The following SMAD5 variants were observed in gnomAD, a reference collection of about 807,000 sequenced individuals.
SMAD5 encodes MAD, mothers against decapentaplegic homolog 5.
In SMAD5, 9 loss-of-function variants were observed where a neutral mutation model predicts 43.1. That is an observed-to-expected ratio of 0.21 (90% CI 0.13 to 0.36). SMAD5 has a LOEUF of 0.36. SMAD5 is among the 10% of genes least tolerant of loss of function. The pLI, the probability that SMAD5 is intolerant of heterozygous loss-of-function variation, is 1.00. For synonymous variants in SMAD5, 190 were observed against 192.4 expected (o/e 0.99, Z 0.10); for missense variants, 348 against 574.0 (o/e 0.61, Z 4.02).
Position 136,181,462 on chromosome 5 carries a change from T to C in SMAD5, c.*3982T>C, listed in dbSNP as rs1057898. ...TTTTAGAAGTGTTTGGTGATTTTTA[T>C]GGAGAGAGTTTTCCTAAGTGGTGGT... On this transcript the variant is annotated 3_prime_UTR_variant, in exon 8 of 8. Coordinates refer to ENST00000545279, the MANE Select transcript of SMAD5 (RefSeq NM_005903.7). 54,230 of 151,922 alleles carry C rather than the reference T, an allele frequency of 0.36. 10,563 individuals are homozygous for C. Among genetic ancestry groups the C allele is most frequent in the African/African-American group, 0.53 (21,831 of 41,422 alleles). 9.4% of individuals were successfully genotyped at this position (151,922 alleles called of 1,614,324 possible). A position where few individuals can be genotyped will look rare whatever the true frequency, so the allele number is the denominator to read the frequency against.
chr5:136,163,393 T>C lies in SMAD5; in HGVS notation c.775+2T>C. The C allele has an allele frequency of 6.3e-7, 1 of 1,596,582 alleles. No homozygotes were observed. The highest frequency in any genetic ancestry group is 8.5e-7 in the Non-Finnish European group (1 of 1,172,346). On this transcript the variant is annotated splice_donor_variant, in intron 5 of 7. Transcript: ENST00000545279. LOFTEE classifies it high-confidence loss of function. ...TTATGCCCAGTATATCCAGCAGGGGTAAGAGAAGTACTCACTTCATTTATT... is the reference window on the plus strand; with the variant it reads ...TTATGCCCAGTATATCCAGCAGGGGCAAGAGAAGTACTCACTTCATTTATT...
chr5:136,169,442 AG>A (rs1754140197), intron 5 of SMAD5, among the ~76,000 whole-genome samples: 2 of 152,190 alleles, frequency 1.3e-5, no homozygotes, highest in South Asian at 4.2e-4. Flanking sequence ...CAATCCAATT[AG>A]TTTGACACTC....
chr5:136,163,219 G>T, intron 4 of SMAD5, 53 bp from the exon 5 acceptor site: 1 of 1,492,454 alleles, frequency 6.7e-7, no homozygotes, highest in African/African-American at 1.4e-5. Context: ...AGCTTTTAGA[G>T]TAATAATTTT....
At chr5:136,142,328 G>GGT (rs1361997253) in intron 1 of SMAD5, among the ~76,000 whole-genome samples, 2 of 152,026 alleles carry the variant, frequency 1.3e-5, no homozygotes, top group Admixed American at 6.6e-5. Context: ...AGAGAGGTGA[G>GGT]GTGTGTGTGT....
At chr5:136,142,215 T>C (rs1317676102) in intron 1 of SMAD5, among the ~76,000 whole-genome samples, 1 of 152,122 alleles carries the variant, frequency 6.6e-6, no homozygotes, top group African/African-American at 2.4e-5. Context: ...GTGTGGTAAG[T>C]GCTACAAAGT....
chr5:136,172,212 C>T lies in SMAD5; in HGVS notation c.776-222C>T, dbSNP rs564320154. 9.9e-5 allele frequency among the ~76,000 whole-genome samples: 15 copies of T among 152,270 alleles called. No homozygotes were observed. In the South Asian group the frequency reaches 2.5e-3, roughly 25 times the overall value. Reference sequence around the variant, plus strand: ...AGCCTGAGCAAGCTACGACTATTGCCGATCCTGGTATTTCTATAACTTTTT... The same window carrying T: ...AGCCTGAGCAAGCTACGACTATTGCTGATCCTGGTATTTCTATAACTTTTT... On this transcript the variant is annotated intron_variant, in intron 5 of 7. Coordinates refer to ENST00000545279, the MANE Select transcript of SMAD5 (RefSeq NM_005903.7).
chr5:136,177,025 T>C (rs111349182), intron 7 of SMAD5, among the ~76,000 whole-genome samples: 44 of 152,312 alleles, frequency 2.9e-4, no homozygotes, highest in African/African-American at 9.9e-4. Context: ...TCAGAAATAT[T>C]TGTTTTAATT....
chr5:136,159,663 A>G (rs1030194039), intron 3 of SMAD5, among the ~76,000 whole-genome samples: 15 of 152,220 alleles, frequency 9.9e-5, no homozygotes, highest in African/African-American at 3.1e-4. Context: ...CTTCTCTCCA[A>G]TGGCAGCTGC....
At chr5:136,174,747 T>C (rs938472787) in intron 7 of SMAD5, 115 bp downstream of exon 7, 4 of 680,730 alleles carry the variant, frequency 5.9e-6, no homozygotes, top group Non-Finnish European at 1.0e-5. Flanking sequence ...TGGCCTGATT[T>C]AACAGGTTTT....
intron 1 of SMAD5, among the ~76,000 whole-genome samples, chr5:136,143,661 T>C (rs1179330637): frequency 6.6e-6 from 1 of 151,974 alleles, no homozygotes; most frequent in Admixed American, 6.6e-5. Flanking sequence ...AATGATAGAT[T>C]GTTATATTTC....
chr5:136,136,425 C>T (rs949243841), intron 1 of SMAD5, among the ~76,000 whole-genome samples: 9 of 152,158 alleles, frequency 5.9e-5, no homozygotes, highest in African/African-American at 9.7e-5. Context: ...TGTTTTTCCA[C>T]TTCTGAAGTT....
chr5:136,149,128 C>G (rs901879496), intron 2 of SMAD5, among the ~76,000 whole-genome samples: 2 of 151,662 alleles, frequency 1.3e-5, no homozygotes, highest in African/African-American at 4.8e-5. Context: ...ATCTTTCCCT[C>G]AGAATATATG....
intron 1 of SMAD5, among the ~76,000 whole-genome samples, chr5:136,145,895 C>T (rs892816231): frequency 6.6e-6 from 1 of 151,862 alleles, no homozygotes; most frequent in South Asian, 2.1e-4. Flanking sequence ...TTGTGAAAGA[C>T]ATAGAAGCTT....
At chr5:136,175,142 T>A (rs1754369871) in intron 7 of SMAD5, among the ~76,000 whole-genome samples, 1 of 152,204 alleles carries the variant, frequency 6.6e-6, no homozygotes, top group African/African-American at 2.4e-5. Flanking sequence ...TCGGATCTTA[T>A]GAGACTTTAT....
chr5:136,154,579 A>G (rs557973102), intron 3 of SMAD5, among the ~76,000 whole-genome samples: 2 of 152,270 alleles, frequency 1.3e-5, no homozygotes, highest in South Asian at 2.1e-4. Context: ...CAAGCATGCC[A>G]TGATACTACC....
intron 1 of SMAD5, among the ~76,000 whole-genome samples, chr5:136,140,211 CG>C (rs1260185771): frequency 2.0e-5 from 3 of 151,922 alleles, no homozygotes; most frequent in Non-Finnish European, 4.4e-5. Flanking sequence ...TTCGTAGAGA[CG>C]GGGTTTCACC....
intron 1 of SMAD5, among the ~76,000 whole-genome samples, chr5:136,137,270 A>AGCCCCCC (rs759471282): frequency 8.0e-6 from 1 of 125,216 alleles, no homozygotes; most frequent in Non-Finnish European, 1.7e-5. Context: ...ATTTTTTGGG[A>AGCCCCCC]CCCCCCCCCG....
chr5:136,174,797 A>C (rs1399510081), intron 7 of SMAD5, among the ~76,000 whole-genome samples, 165 bp downstream of exon 7: 1 of 152,194 alleles, frequency 6.6e-6, no homozygotes, highest in Non-Finnish European at 1.5e-5. Context: ...ACTACATAAT[A>C]GATCTAAGAT....
chr5:136,159,670 C>G lies in SMAD5; in HGVS notation c.404-1186C>G, dbSNP rs918462665. Among the ~76,000 whole-genome samples the G allele has an allele frequency of 2.0e-5, 3 of 152,216 alleles. No homozygotes were observed. The East Asian group carries it at 5.8e-4, about 29-fold the overall frequency. ...CTAATGCCCTTCTCTCCAATGGCAG[C>G]TGCCTCTTGTTCTGCGAGGGGAATA... is the stretch of plus-strand genomic sequence containing the variant. On this transcript the variant is annotated intron_variant, in intron 3 of 7. Transcript: ENST00000545279.
Sources: gnomAD v4.1 joint callset for allele counts (sites outside exome capture counted in the v4.1 genomes callset) on GRCh38, gnomAD v4.1.1 for gene constraint, MANE v1.5 for transcripts, NCBI Gene and HGNC (gene_info 2026-07-23, HGNC 2026-07-21) for gene names.